Variants in ESRRG observed in about 807,000 individuals in gnomAD.
ESRRG encodes estrogen related receptor gamma.
Under a neutral mutation model 44.0 loss-of-function variants are expected in ESRRG, and 13 were observed. That is an observed-to-expected ratio of 0.30 (90% CI 0.19 to 0.47). The LOEUF is 0.47. Among genes scored for constraint, ESRRG ranks in the 20% least tolerant of loss-of-function variants. The probability of loss-of-function intolerance (pLI) is 1.00; values close to 1 mark genes in which losing one functional copy is unlikely to be tolerated. For missense variants in ESRRG, 395 were observed against 580.6 expected (o/e 0.68, Z 3.29); for synonymous variants, 215 against 214.6 (o/e 1.00, Z -0.02).
chr1:216,774,274 G>T (rs944108730), intron 2 of ESRRG, among the ~76,000 whole-genome samples: 5 of 152,064 alleles, frequency 3.3e-5, no homozygotes, highest in African/African-American at 1.2e-4. Flanking sequence ...AATCATTTAG[G>T]TTCCTTTCAA....
At chr1:216,965,284 C>T (rs534688627) in intron 1 of ESRRG, among the ~76,000 whole-genome samples, 68 of 152,212 alleles carry the variant, frequency 4.5e-4, no homozygotes, top group African/African-American at 1.2e-3. Flanking sequence ...TCAGTATAAG[C>T]TGTCAGTCCC....
At chr1:217,112,939 G>C (rs928266632) in intron 1 of ESRRG, among the ~76,000 whole-genome samples, 4 of 152,152 alleles carry the variant, frequency 2.6e-5, no homozygotes, top group African/African-American at 9.7e-5. Context: ...GCCTCATATA[G>C]GACTCAAGAC....
chr1:216,568,317 C>T (rs562263476), intron 3 of ESRRG, among the ~76,000 whole-genome samples: 1 of 152,306 alleles, frequency 6.6e-6, no homozygotes, highest in East Asian at 1.9e-4. Context: ...AAAGACATTT[C>T]ATGCAAAGCC....
At chr1:216,530,912 T>C (rs2049183121) in intron 5 of ESRRG, among the ~76,000 whole-genome samples, 1 of 152,044 alleles carries the variant, frequency 6.6e-6, no homozygotes, top group African/African-American at 2.4e-5. Context: ...TATTACTAGT[T>C]ACAAGTAAAG....
intron 2 of ESRRG, among the ~76,000 whole-genome samples, chr1:216,884,141 G>T (rs1205237353): frequency 2.0e-5 from 3 of 152,126 alleles, no homozygotes; most frequent in Non-Finnish European, 2.9e-5. Flanking sequence ...AATCCCATCA[G>T]CAAGTCACTT....
chr1:216,746,304 T>C (rs1261908227), intron 2 of ESRRG, among the ~76,000 whole-genome samples: 1 of 152,120 alleles, frequency 6.6e-6, no homozygotes, highest in Admixed American at 6.6e-5. Context: ...ATGCTTTTCC[T>C]AGATGGAAGC....
chr1:216,842,252 T>G (rs1418027564), intron 2 of ESRRG, among the ~76,000 whole-genome samples: 1 of 152,118 alleles, frequency 6.6e-6, no homozygotes, highest in East Asian at 1.9e-4. Flanking sequence ...TGTCTCAGAG[T>G]TGAATTTATA....
At chr1:216,876,879 C>A (rs1015620227) in intron 2 of ESRRG, among the ~76,000 whole-genome samples, 1 of 151,744 alleles carries the variant, frequency 6.6e-6, no homozygotes, top group South Asian at 2.1e-4. Context: ...TCTTCTTGAA[C>A]AAAAACAAAT....
At chr1:216,557,828 A>G (rs1277966119) in intron 5 of ESRRG, among the ~76,000 whole-genome samples, 1 of 152,204 alleles carries the variant, frequency 6.6e-6, no homozygotes, top group African/African-American at 2.4e-5. Context: ...TAAATTTCCC[A>G]TAGTACAAAG....
At chr1:216,793,166 C>T (rs2094372050) in intron 2 of ESRRG, among the ~76,000 whole-genome samples, 1 of 152,116 alleles carries the variant, frequency 6.6e-6, no homozygotes, top group Non-Finnish European at 1.5e-5. Context: ...TCTGATCATG[C>T]TTCTTTGTTG....
intron 1 of ESRRG, among the ~76,000 whole-genome samples, chr1:216,692,467 GT>G (rs1385159045): frequency 1.3e-5 from 2 of 152,116 alleles, no homozygotes; most frequent in African/African-American, 4.8e-5. Flanking sequence ...TCAAAGCTAA[GT>G]GTTATGATAA....
chr1:216,535,448 C>A (rs2050652283), intron 5 of ESRRG, among the ~76,000 whole-genome samples: 2 of 152,088 alleles, frequency 1.3e-5, no homozygotes, highest in South Asian at 4.1e-4. Flanking sequence ...TGTATTTTAT[C>A]CTGCAAACAT....
At chr1:217,010,473 G>C (rs559577032) in intron 1 of ESRRG, among the ~76,000 whole-genome samples, 1 of 152,160 alleles carries the variant, frequency 6.6e-6, no homozygotes. Flanking sequence ...CAACTGATTT[G>C]TAAAATGATC....
intron 1 of ESRRG, among the ~76,000 whole-genome samples, chr1:216,688,417 G>A (rs2078435512): frequency 6.6e-6 from 1 of 152,154 alleles, no homozygotes; most frequent in Non-Finnish European, 1.5e-5. Flanking sequence ...AGCACCATCT[G>A]TTACCAAATC....
At chr1:216,843,701 G>A (rs2095690373) in intron 2 of ESRRG, among the ~76,000 whole-genome samples, 2 of 152,116 alleles carry the variant, frequency 1.3e-5, no homozygotes, top group African/African-American at 2.4e-5. Flanking sequence ...GCATTTAAAG[G>A]ATTACAAATG....
intron 2 of ESRRG, among the ~76,000 whole-genome samples, chr1:216,797,505 A>C (rs1305729519): frequency 6.6e-6 from 1 of 152,162 alleles, no homozygotes; most frequent in Non-Finnish European, 1.5e-5. Context: ...ACTAACCCAC[A>C]TAGTCTGATA....
intron 1 of ESRRG, among the ~76,000 whole-genome samples, 171 bp downstream of exon 1, chr1:216,723,073 G>A (rs1197012326): frequency 6.6e-6 from 1 of 152,072 alleles, no homozygotes; most frequent in Non-Finnish European, 1.5e-5. Flanking sequence ...TCGACTTACT[G>A]AATTAGGAGA....
chr1:217,089,476 G>A (rs966294158), intron 1 of ESRRG: 4 of 152,200 alleles, frequency 2.6e-5, no homozygotes, highest in Non-Finnish European at 4.4e-5. Context: ...TCTGTCTCCA[G>A]ATGTTGATGA....
intron 1 of ESRRG, among the ~76,000 whole-genome samples, chr1:217,001,595 A>C (rs1246206726): frequency 6.6e-6 from 1 of 152,232 alleles, no homozygotes; most frequent in Non-Finnish European, 1.5e-5. Flanking sequence ...TATATAAAGA[A>C]TATTTCAAGT....
Sources: gnomAD v4.1 joint callset for allele counts (sites outside exome capture counted in the v4.1 genomes callset) on GRCh38, gnomAD v4.1.1 for gene constraint, MANE v1.5 for transcripts, NCBI Gene and HGNC (gene_info 2026-07-23, HGNC 2026-07-21) for gene names.